AFF3: variants seen among roughly 807,000 people sequenced by gnomAD.
AFF3 encodes ALF transcription elongation factor 3.
Under a neutral mutation model 129.7 loss-of-function variants are expected in AFF3, and 32 were observed. That is an observed-to-expected ratio of 0.25 (90% CI 0.19 to 0.33). AFF3 has a LOEUF of 0.33. Among genes scored for constraint, AFF3 ranks in the 10% least tolerant of loss-of-function variants. The pLI, the probability that AFF3 is intolerant of heterozygous loss-of-function variation, is 1.00. For synonymous variants in AFF3, 644 were observed against 635.4 expected, an observed-to-expected ratio of 1.01 and a Z score of -0.20; for missense variants, 1,373 against 1,592.0, an observed-to-expected ratio of 0.86 and a Z score of 2.34.
intron 13 of AFF3, among the ~76,000 whole-genome samples, chr2:99,631,979 G>T (rs1683157346): frequency 1.4e-5 from 2 of 137,950 alleles, no homozygotes; most frequent in Non-Finnish European, 1.5e-5. Context: ...AATGCATAAG[G>T]TTCCAATTTA....
intron 2 of AFF3, among the ~76,000 whole-genome samples, chr2:100,110,657 T>C (rs1691481645): frequency 6.6e-6 from 1 of 152,186 alleles, no homozygotes; most frequent in South Asian, 2.1e-4. Flanking sequence ...CTCCCACTGC[T>C]CAGAGTCCTG....
chr2:99,890,430 T>C (rs1002105358), intron 7 of AFF3, among the ~76,000 whole-genome samples: 9 of 152,224 alleles, frequency 5.9e-5, no homozygotes, highest in African/African-American at 1.9e-4. Context: ...CAATTAAAAA[T>C]ACTTTTAACA....
At chr2:99,968,303 C>T (rs1479927440) in intron 7 of AFF3, among the ~76,000 whole-genome samples, 1 of 152,176 alleles carries the variant, frequency 6.6e-6, no homozygotes, top group Admixed American at 6.5e-5. Context: ...TTAAAACATA[C>T]TTTTGCCCTT....
chr2:100,040,808 T>A (rs1480424524), intron 4 of AFF3, among the ~76,000 whole-genome samples: 1 of 152,250 alleles, frequency 6.6e-6, no homozygotes, highest in African/African-American at 2.4e-5. Flanking sequence ...AAAGTCATGC[T>A]GAGCAGCAAG....
chr2:99,575,699 C>A (rs1676927183), intron 18 of AFF3, among the ~76,000 whole-genome samples: 1 of 152,162 alleles, frequency 6.6e-6, no homozygotes, highest in Non-Finnish European at 1.5e-5. Flanking sequence ...AATGCGACAT[C>A]TATCTCTCCA....
In AFF3 at chr2:99,583,670, C is replaced by T. The variant is rs552962515; in HGVS notation, c.2592-671G>A. 2.0e-5 allele frequency among the ~76,000 whole-genome samples: 3 copies of T among 151,682 alleles called. No individual in the cohort carries two copies. In the East Asian group the frequency reaches 5.8e-4, roughly 30 times the overall value. ...GGATTACAGACATGAGCCATCGTGC[C>T]CAGCCAAATTCTACACTTCTTTTTA... On this transcript the variant is annotated intron_variant, in intron 16 of 24. Coordinates refer to ENST00000672756, the MANE Select transcript of AFF3 (RefSeq NM_001386135.1).
chr2:100,131,517 T>C (rs907298406), intron 1 of AFF3, among the ~76,000 whole-genome samples: 4 of 152,200 alleles, frequency 2.6e-5, no homozygotes, highest in Non-Finnish European at 5.9e-5. Flanking sequence ...TGGAGTGCAG[T>C]GGTGCAGTCT....
intron 7 of AFF3, among the ~76,000 whole-genome samples, chr2:99,931,022 A>G (rs1008663888): frequency 6.6e-6 from 1 of 152,218 alleles, no homozygotes; most frequent in Non-Finnish European, 1.5e-5. Context: ...AAATTTACAG[A>G]CCCAGTCTTT....
At position 99,550,777 on chromosome 2, in the gene AFF3, G is replaced by A. The variant is rs4851212; in HGVS notation, c.*697C>T. On this transcript the variant is annotated 3_prime_UTR_variant, in exon 25 of 25. Transcript: ENST00000672756. ...TGGAGGTGGGGCTGGGAAGGGCTGTGAGTGTCCATCTGTTTGCCTGGAATG... is the reference window on the plus strand; with the variant it reads ...TGGAGGTGGGGCTGGGAAGGGCTGTAAGTGTCCATCTGTTTGCCTGGAATG... The A allele has an allele frequency of 0.22, 52,230 of 233,486 alleles. 7,228 individuals carry two copies. The highest frequency in any genetic ancestry group is 0.32 in the Admixed American group (5,633 of 17,772). The allele number at this position is 233,486 out of a possible 1,614,324, so 14.5% of individuals were successfully genotyped here.
At chr2:99,820,892 G>GA (rs1576091209) in intron 8 of AFF3, among the ~76,000 whole-genome samples, 29 of 21,514 alleles carry the variant, frequency 1.3e-3, no homozygotes, top group African/African-American at 1.8e-3. Context: ...TTTTTTTTTT[G>GA]GATAGAGTCT....
chr2:99,771,413 G>GAAAAAAAAAAA (rs11324032), intron 8 of AFF3, among the ~76,000 whole-genome samples: 1 of 142,176 alleles, frequency 7.0e-6, no homozygotes, highest in Non-Finnish European at 1.5e-5. Context: ...AAATGAAGAA[G>GAAAAAAAAAAA]AAAAAAAAAA....
intron 7 of AFF3, among the ~76,000 whole-genome samples, chr2:99,840,269 T>C (rs920518430): frequency 1.3e-5 from 2 of 152,214 alleles, no homozygotes; most frequent in African/African-American, 4.8e-5. Flanking sequence ...AATTTCCCTT[T>C]ATGTTTGTTT....
intron 4 of AFF3, among the ~76,000 whole-genome samples, chr2:100,103,244 T>G (rs886880862): frequency 8.5e-5 from 13 of 152,128 alleles, no homozygotes; most frequent in Non-Finnish European, 7.3e-5. Flanking sequence ...AGTTTAGCTT[T>G]AAAATTGTAC....
intron 11 of AFF3, among the ~76,000 whole-genome samples, chr2:99,720,916 G>T (rs913382660): frequency 6.6e-6 from 1 of 152,054 alleles, no homozygotes; most frequent in African/African-American, 2.4e-5. Flanking sequence ...CTTTGCAGTT[G>T]TGTAGAATTC....
chr2:99,708,869 T>C (rs980105674), intron 11 of AFF3, among the ~76,000 whole-genome samples: 1 of 152,216 alleles, frequency 6.6e-6, no homozygotes, highest in Non-Finnish European at 1.5e-5. Flanking sequence ...CGTTCTCTTA[T>C]TTAGAGACAC....
chr2:99,909,338 G>A (rs965973784), intron 7 of AFF3, among the ~76,000 whole-genome samples: 1 of 144,456 alleles, frequency 6.9e-6, no homozygotes, highest in African/African-American at 2.6e-5. Context: ...GGACTGCTGT[G>A]GGGTGAGGGG....
At chr2:100,076,326 C>G (rs898127832) in intron 4 of AFF3, among the ~76,000 whole-genome samples, 2 of 152,180 alleles carry the variant, frequency 1.3e-5, no homozygotes, top group Non-Finnish European at 2.9e-5. Flanking sequence ...ACTCTAAAGA[C>G]AGTCAGTATC....
At position 99,702,284 on chromosome 2, in the gene AFF3, T is replaced by A. The variant is rs183250898; in HGVS notation, c.1091+24793A>T. On this transcript the variant is annotated intron_variant, in intron 11 of 24. Transcript: ENST00000672756. ...TTGCCAGTGTTTGGTGTTATCATTA[T>A]TTTAGACATTCTGGTAGGTATGTAC... Among the ~76,000 whole-genome samples, 16 of 152,310 alleles carry A rather than the reference T, an allele frequency of 1.1e-4. No homozygotes were observed. The East Asian group carries it at 2.7e-3, about 26-fold the overall frequency.
chr2:99,777,947 CAAAAAA>C (rs576434643), intron 8 of AFF3, among the ~76,000 whole-genome samples: 1 of 48,340 alleles, frequency 2.1e-5, no homozygotes, highest in East Asian at 8.7e-4. Flanking sequence ...AAAGCAAAAG[CAAAAAA>C]AAAAAAAAAA....
Sources: allele counts gnomAD v4.1 joint callset (sites outside exome capture counted in the v4.1 genomes callset), GRCh38; gene constraint gnomAD v4.1.1; transcripts MANE v1.5; gene names NCBI Gene and HGNC (gene_info 2026-07-23, HGNC 2026-07-21).